The following ARHGEF4 variants were observed in gnomAD, a reference collection of about 807,000 sequenced individuals.
ARHGEF4 encodes APC-stimulated guanine nucleotide exchange factor 1.
A neutral mutation model predicts 162.0 loss-of-function variants in ARHGEF4; 119 were observed. The observed-to-expected ratio is 0.73, with a 90% CI of 0.63 to 0.86. The LOEUF (loss-of-function observed/expected upper bound fraction) is 0.86, where lower values mean the gene tolerates loss of function less well. ARHGEF4 is among the 40% of genes least tolerant of loss of function. The pLI is 0.00. For missense variants in ARHGEF4, 2,488 were observed against 2,456.0 expected, an observed-to-expected ratio of 1.01 and a Z score of -0.28; for synonymous variants, 1,014 against 979.9, an observed-to-expected ratio of 1.03 and a Z score of -0.65.
rs368683902 is a variant in ARHGEF4 at position 130,849,124 on chromosome 2, G to A, written c.39+12132G>A. Reference sequence around the variant, plus strand: ...TCTTCCCACCCTCCCTTGGGATCTGGGGCCTTGGTTCTGGCTCCGTGACCC... The same window carrying A: ...TCTTCCCACCCTCCCTTGGGATCTGAGGCCTTGGTTCTGGCTCCGTGACCC... On this transcript the variant is annotated intron_variant, in intron 1 of 13. Coordinates refer to ENST00000409359, the MANE Select transcript of ARHGEF4 (RefSeq NM_001367493.1). 3.5e-4 allele frequency among the ~76,000 whole-genome samples: 53 copies of A among 152,272 alleles called. 1 individual carries two copies. In the East Asian group the frequency reaches 9.9e-3, roughly 28 times the overall value.
Position 130,845,603 on chromosome 2 carries a change from G to A in ARHGEF4, c.39+8611G>A, listed in dbSNP as rs182945419. Among the ~76,000 whole-genome samples, 780 of 152,192 alleles carry A rather than the reference G, an allele frequency of 5.1e-3. 11 individuals carry two copies. Among genetic ancestry groups the A allele is most frequent in the Admixed American group, 5.0e-3 (77 of 15,298 alleles). The stretch of plus-strand genomic sequence containing the variant: ...TGAGCCACTGCACCCAGCCTAGAAA[G>A]TGTGTTTTTACAGAGGCATGCTGAC... On this transcript the variant is annotated intron_variant, in intron 1 of 13. Transcript: ENST00000409359.
At chr2:130,845,045 A>G (rs1680860737) in intron 1 of ARHGEF4, among the ~76,000 whole-genome samples, 1 of 151,388 alleles carries the variant, frequency 6.6e-6, no homozygotes, top group South Asian at 2.1e-4. Flanking sequence ...GCTGGTCTCG[A>G]ACTCCTGACC....
intron 4 of ARHGEF4, among the ~76,000 whole-genome samples, chr2:130,983,754 A>G (rs972277125): frequency 1.3e-5 from 2 of 151,866 alleles, no homozygotes; most frequent in African/African-American, 4.8e-5. Flanking sequence ...GGTTCATGCC[A>G]TTCTCCTGCC....
intron 4 of ARHGEF4, among the ~76,000 whole-genome samples, chr2:130,981,088 T>A (rs1686085485): frequency 6.6e-6 from 1 of 152,232 alleles, no homozygotes. Flanking sequence ...TATTTCATTT[T>A]TTTGTGGCTG....
chr2:130,988,897 T>TAGAGAGAG lies in ARHGEF4; in HGVS notation c.3986-39047_3986-39046insGAGAGAGA, dbSNP rs1194203957. ...GTATATATATATATATATATATATATATATAGAGAGAGAGAGAGAGAGAGA... is the reference window on the plus strand; with the variant it reads ...GTATATATATATATATATATATATATAGAGAGAGATATAGAGAGAGAGAGAGAGAGAGA... On this transcript the variant is annotated intron_variant, in intron 4 of 13. Transcript: ENST00000409359. Among the ~76,000 whole-genome samples, 256 of 111,376 alleles carry TAGAGAGAG rather than the reference T, an allele frequency of 2.3e-3. 1 individual carries two copies. Among genetic ancestry groups the TAGAGAGAG allele is most frequent in the South Asian group, 5.6e-3 (15 of 2,688 alleles). 73.1% of individuals were successfully genotyped at this position (111,376 alleles called of 152,430 possible).
rs1315996453 is a variant in ARHGEF4 at position 130,988,887 on chromosome 2, TATATATATATATATAGAGAGAGAGAGAG to T, written c.3986-39056_3986-39029del. ...GTGTGTGTGTGTATATATATATATA[TATATATATATATATAGAGAGAGAGAGAG>T]AGAGAGAGAGAGAGAGAGAGAAAGA... On this transcript the variant is annotated intron_variant, in intron 4 of 13. Transcript: ENST00000409359. Among the ~76,000 whole-genome samples, 4 of 113,090 alleles carry T rather than the reference TATATATATATATATAGAGAGAGAGAGAG, an allele frequency of 3.5e-5. 1 individual carries two copies. The highest frequency in any genetic ancestry group is 6.4e-5 in the African/African-American group (2 of 31,186). The allele number at this position is 113,090 out of a possible 152,430, so 74.2% of individuals were successfully genotyped here.
chr2:131,046,266 G>A lies in ARHGEF4; in HGVS notation c.*77G>A, dbSNP rs1691253453. On this transcript the variant is annotated 3_prime_UTR_variant, in exon 14 of 14. Coordinates refer to ENST00000409359, the MANE Select transcript of ARHGEF4 (RefSeq NM_001367493.1). ...GTTTTTCTTCCCCGAGGCCCACTCG[G>A]CCTGGCCTTCCTCTGCCTGCAAGTG... 4.1e-6 allele frequency: 6 copies of A among 1,457,736 alleles called. No homozygotes were observed. Among genetic ancestry groups the A allele is most frequent in the Non-Finnish European group, 3.7e-6 (4 of 1,076,466 alleles). 90.3% of individuals were successfully genotyped at this position (1,457,736 alleles called of 1,614,324 possible). A position where few individuals can be genotyped will look rare whatever the true frequency, so the allele number is the denominator to read the frequency against.
At chr2:131,024,610 A>G (rs1045731641) in intron 4 of ARHGEF4, among the ~76,000 whole-genome samples, 1 of 152,194 alleles carries the variant, frequency 6.6e-6, no homozygotes, top group Non-Finnish European at 1.5e-5. Context: ...GGGAGAAGGT[A>G]TGGCAATTTG....
Position 130,893,354 on chromosome 2 carries a change from C to A in ARHGEF4, c.40-20632C>A, listed in dbSNP as rs189977596. ...CCGTCCTGTGCTGCTGTCTCTGGGGCCTTTTTTCTCCATATCCTCATTACC... is the reference window on the plus strand; with the variant it reads ...CCGTCCTGTGCTGCTGTCTCTGGGGACTTTTTTCTCCATATCCTCATTACC... On this transcript the variant is annotated intron_variant, in intron 1 of 13. Coordinates refer to ENST00000409359, the MANE Select transcript of ARHGEF4 (RefSeq NM_001367493.1). Among the ~76,000 whole-genome samples, 564 of 152,282 alleles carry A rather than the reference C, an allele frequency of 3.7e-3. 5 individuals are homozygous for A. Among genetic ancestry groups the A allele is most frequent in the Non-Finnish European group, 5.1e-3 (344 of 68,026 alleles).
intron 1 of ARHGEF4, among the ~76,000 whole-genome samples, chr2:130,886,819 T>C (rs1214143694): frequency 1.3e-5 from 2 of 151,988 alleles, no homozygotes; most frequent in African/African-American, 2.4e-5. Context: ...TTTCTATTTC[T>C]TCTTGAGTCA....
At chr2:131,035,195 T>TCA in intron 5 of ARHGEF4, 2 of 1,222,618 alleles carry the variant, frequency 1.6e-6, no homozygotes, top group Non-Finnish European at 2.0e-6. Flanking sequence ...CGCGTGGTGG[T>TCA]CTCCGCCGTG....
Position 131,006,248 on chromosome 2 carries a change from A to C in ARHGEF4, c.3986-21697A>C, listed in dbSNP as rs533549894. Among the ~76,000 whole-genome samples, 91 of 152,348 alleles carry C rather than the reference A, an allele frequency of 6.0e-4. 1 individual carries two copies. Among genetic ancestry groups the C allele is most frequent in the Non-Finnish European group, 9.0e-4 (61 of 68,032 alleles). On this transcript the variant is annotated intron_variant, in intron 4 of 13. Coordinates refer to ENST00000409359, the MANE Select transcript of ARHGEF4 (RefSeq NM_001367493.1). ...CCGCAGAGCCTCCAGAAAGGGACACAGCCGCGATGACACCTTAATTTAGGC... is the reference window on the plus strand; with the variant it reads ...CCGCAGAGCCTCCAGAAAGGGACACCGCCGCGATGACACCTTAATTTAGGC...
Position 130,916,488 on chromosome 2 carries a change from C to T in ARHGEF4, c.2542C>T (p.Leu848=), listed in dbSNP as rs983515828. Residue 848 remains leucine (L), a synonymous_variant, in exon 2 of 14, where the codon CTG becomes TTG. Coordinates refer to ENST00000409359, the MANE Select transcript of ARHGEF4 (RefSeq NM_001367493.1). ...TGCGGCCGGTCGGGACGCACCGCCT[C>T]TGCACCACGGGGACGCCAGCGCCTG... ...PAAAGRDAPP[L]HHGDASAWPE... 1 of 1,547,092 alleles carries T rather than the reference C, an allele frequency of 6.5e-7. No individual in the cohort carries two copies. The highest frequency in any genetic ancestry group is 1.4e-5 in the African/African-American group (1 of 73,012).
At chr2:130,992,399 A>C (rs1687076028) in intron 4 of ARHGEF4, among the ~76,000 whole-genome samples, 1 of 151,934 alleles carries the variant, frequency 6.6e-6, no homozygotes, top group Non-Finnish European at 1.5e-5. Context: ...GCTCACCGCG[A>C]AGGTCTGTAG....
chr2:130,959,493 TC>T, intron 4 of ARHGEF4, among the ~76,000 whole-genome samples: 1 of 152,198 alleles, frequency 6.6e-6, no homozygotes, highest in Non-Finnish European at 1.5e-5. Flanking sequence ...TCAGTTAATT[TC>T]AGTGGTAAAA....
intron 3 of ARHGEF4, among the ~76,000 whole-genome samples, chr2:130,939,792 C>T (rs553905098): frequency 3.9e-5 from 6 of 152,258 alleles, no homozygotes; most frequent in African/African-American, 1.2e-4. Context: ...TTTCTGCATA[C>T]AGATCCTCTG....
At chr2:130,984,183 A>G (rs542710221) in intron 4 of ARHGEF4, among the ~76,000 whole-genome samples, 1 of 152,246 alleles carries the variant, frequency 6.6e-6, no homozygotes, top group South Asian at 2.1e-4. Flanking sequence ...TAGTTTCCAT[A>G]GCAGTTTGAT....
At chr2:130,931,331 C>T in intron 3 of ARHGEF4, 74 bp downstream of exon 3, 1 of 1,450,630 alleles carries the variant, frequency 6.9e-7, no homozygotes. Context: ...CTGTTGCTTC[C>T]TGAGCTTTTG....
At chr2:130,971,568 G>A (rs1274732353) in intron 4 of ARHGEF4, among the ~76,000 whole-genome samples, 3 of 144,278 alleles carry the variant, frequency 2.1e-5, no homozygotes, top group African/African-American at 7.6e-5. Flanking sequence ...TGAGGCAGGA[G>A]AATTGGTTGA....
Sources: gnomAD v4.1 joint callset for allele counts (sites outside exome capture counted in the v4.1 genomes callset) on GRCh38, gnomAD v4.1.1 for gene constraint, MANE v1.5 for transcripts, NCBI Gene and HGNC (gene_info 2026-07-23, HGNC 2026-07-21) for gene names.